The following ETV1 variants were observed in gnomAD, a reference collection of about 807,000 sequenced individuals.
ETV1 encodes the protein ETS translocation variant 1.
In ETV1, 27 loss-of-function variants were observed where a neutral mutation model predicts 62.3. The ratio of observed to expected loss-of-function variants is 0.43; its 90% CI spans 0.32 to 0.60. The LOEUF is 0.60. Among genes scored for constraint, ETV1 ranks in the 20% least tolerant of loss-of-function variants. The pLI, the probability that ETV1 is intolerant of heterozygous loss-of-function variation, is 0.06. For synonymous variants in ETV1, 222 were observed against 199.6 expected (o/e 1.11, Z -0.94); for missense variants, 605 against 605.8 (o/e 1.00, Z 0.01).
chr7:13,948,645 A>G (rs1007512063), intron 6 of ETV1, among the ~76,000 whole-genome samples: 5 of 152,324 alleles, frequency 3.3e-5, no homozygotes, highest in East Asian at 1.9e-4. Flanking sequence ...TTGAGCTACA[A>G]TGGCCAAATG....
chr7:13,940,828 A>C (rs1787418603), intron 6 of ETV1, among the ~76,000 whole-genome samples: 1 of 152,190 alleles, frequency 6.6e-6, no homozygotes, highest in South Asian at 2.1e-4. Context: ...CAGGAAAACA[A>C]ATACTATTTG....
At chr7:13,940,261 C>A (rs1345182296) in intron 6 of ETV1, among the ~76,000 whole-genome samples, 1 of 151,422 alleles carries the variant, frequency 6.6e-6, no homozygotes, top group Non-Finnish European at 1.5e-5. Flanking sequence ...ACTTGGGAGG[C>A]TGAGGCGGGA....
Position 13,894,316 on chromosome 7 carries a change from G to T in ETV1, c.*1550C>A. Reference sequence around the variant, plus strand: ...TACTCATGGTTTTTTCAAGGTGAATGAAACAACATACCCTGCTTTCAATAT... The same window carrying T: ...TACTCATGGTTTTTTCAAGGTGAATTAAACAACATACCCTGCTTTCAATAT... On this transcript the variant is annotated 3_prime_UTR_variant, in exon 14 of 14. Transcript: ENST00000430479. The T allele has an allele frequency of 4.3e-6, 1 of 232,660 alleles. No homozygotes were observed. 14.4% of individuals were successfully genotyped at this position (232,660 alleles called of 1,614,324 possible).
chr7:13,921,600 G>C (rs915450662), intron 9 of ETV1, among the ~76,000 whole-genome samples: 1 of 152,170 alleles, frequency 6.6e-6, no homozygotes, highest in Non-Finnish European at 1.5e-5. Context: ...AAAAGGAAGA[G>C]GATAAACAGA....
At chr7:13,976,397 C>T (rs548862934) in intron 6 of ETV1, among the ~76,000 whole-genome samples, 1 of 152,068 alleles carries the variant, frequency 6.6e-6, no homozygotes, top group Non-Finnish European at 1.5e-5. Flanking sequence ...ACAGTAATTT[C>T]TTTATAACCA....
chr7:13,915,985 T>C lies in ETV1; in HGVS notation c.803-4678A>G, dbSNP rs1371774518. 2.0e-5 allele frequency among the ~76,000 whole-genome samples: 3 copies of C among 152,144 alleles called. No individual in the cohort carries two copies. The East Asian group carries it at 5.8e-4, about 29-fold the overall frequency. ...AACATCTTAGTTACTGAACTGGATG[T>C]GAATGTAACATCTTAGTTACTGAAC... On this transcript the variant is annotated intron_variant, in intron 9 of 13. Transcript: ENST00000430479.
In ETV1 at chr7:13,959,427, T is replaced by C. The variant is rs546163378; in HGVS notation, c.235+18000A>G. 8.3e-4 allele frequency among the ~76,000 whole-genome samples: 126 copies of C among 152,284 alleles called. 2 individuals are homozygous for C. The highest frequency in any genetic ancestry group is 3.1e-4 in the Non-Finnish European group (21 of 68,028). On this transcript the variant is annotated intron_variant, in intron 6 of 13. Transcript: ENST00000430479. ...TCTTCCATACTTCACAGTATGCTTT[T>C]AGAAGGCAGGAATCATGTTTTTTAA...
At chr7:13,985,183 A>C (rs1782427968) in intron 5 of ETV1, among the ~76,000 whole-genome samples, 1 of 152,120 alleles carries the variant, frequency 6.6e-6, no homozygotes, top group South Asian at 2.1e-4. Context: ...TTGACTTTGC[A>C]AAACTAATAG....
chr7:13,913,423 T>A (rs1783765657), intron 9 of ETV1, among the ~76,000 whole-genome samples: 1 of 152,186 alleles, frequency 6.6e-6, no homozygotes, highest in Non-Finnish European at 1.5e-5. Flanking sequence ...TTGTTGTTAT[T>A]TAACATCTCT....
At chr7:13,968,621 T>A (rs536815177) in intron 6 of ETV1, among the ~76,000 whole-genome samples, 7 of 151,898 alleles carry the variant, frequency 4.6e-5, no homozygotes, top group African/African-American at 1.7e-4. Context: ...TAAGGGAAAG[T>A]GTCCTTCATA....
At chr7:13,981,064 T>G (rs540438426) in intron 5 of ETV1, among the ~76,000 whole-genome samples, 1 of 152,138 alleles carries the variant, frequency 6.6e-6, no homozygotes, top group African/African-American at 2.4e-5. Flanking sequence ...AAAACCCTCC[T>G]ATTCTTACAA....
At chr7:13,986,057 A>G in intron 5 of ETV1, 201 of 1,185,780 alleles carry the variant, frequency 1.7e-4, no homozygotes, top group Non-Finnish European at 2.2e-4. Context: ...ACATTTTTAA[A>G]ATCCTCATAT....
intron 7 of ETV1, among the ~76,000 whole-genome samples, chr7:13,937,523 T>A (rs1312912278): frequency 6.6e-6 from 1 of 152,246 alleles, no homozygotes; most frequent in Non-Finnish European, 1.5e-5. Context: ...TCCTTTATTA[T>A]TGATTTGTGG....
intron 9 of ETV1, among the ~76,000 whole-genome samples, chr7:13,918,762 A>C (rs991844141): frequency 2.0e-5 from 3 of 151,638 alleles, no homozygotes; most frequent in East Asian, 2.0e-4. Flanking sequence ...ATTGGGAGAT[A>C]TACCTAATGC....
chr7:13,950,056 G>A (rs1375672165), intron 6 of ETV1, among the ~76,000 whole-genome samples: 3 of 152,054 alleles, frequency 2.0e-5, no homozygotes, highest in Non-Finnish European at 4.4e-5. Context: ...CCCTTTTTAG[G>A]AACATCAGGG....
At chr7:13,939,772 A>C (rs1282626266) in intron 6 of ETV1, among the ~76,000 whole-genome samples, 1 of 152,200 alleles carries the variant, frequency 6.6e-6, no homozygotes, top group Non-Finnish European at 1.5e-5. Flanking sequence ...GCAAAAACTC[A>C]ACATCTTTGA....
intron 9 of ETV1, among the ~76,000 whole-genome samples, chr7:13,916,078 A>C (rs1156680289): frequency 6.6e-6 from 1 of 152,226 alleles, no homozygotes; most frequent in Non-Finnish European, 1.5e-5. Flanking sequence ...ACTGAACCTC[A>C]TGTGAAGAAG....
intron 10 of ETV1, 84 bp from the exon 11 acceptor site, chr7:13,909,784 T>C (rs1583591083): frequency 3.3e-6 from 4 of 1,223,060 alleles, no homozygotes; most frequent in Non-Finnish European, 3.6e-6. Flanking sequence ...ACATAAAAAT[T>C]GTGATAGAAA....
At chr7:13,964,809 T>G (rs944240506) in intron 6 of ETV1, among the ~76,000 whole-genome samples, 5 of 152,088 alleles carry the variant, frequency 3.3e-5, no homozygotes, top group African/African-American at 1.2e-4. Flanking sequence ...GGTTCATACT[T>G]TTTCTTATTT....
Sources: gnomAD v4.1 joint callset for allele counts (sites outside exome capture counted in the v4.1 genomes callset) on GRCh38, gnomAD v4.1.1 for gene constraint, MANE v1.5 for transcripts, NCBI Gene and HGNC (gene_info 2026-07-23, HGNC 2026-07-21) for gene names.